The following UBE3C variants were observed in gnomAD, a reference collection of about 807,000 sequenced individuals.
UBE3C encodes the protein ubiquitin-protein ligase E3C.
UBE3C carries 42 observed loss-of-function variants against 129.4 expected under a neutral mutation model. The observed-to-expected ratio is 0.32, with a 90% CI of 0.25 to 0.42. The LOEUF (loss-of-function observed/expected upper bound fraction) is 0.42. Ranked by LOEUF, UBE3C falls within the 10% of genes least tolerant of loss-of-function variation. The pLI is 1.00. For synonymous variants in UBE3C, 510 were observed against 492.4 expected (o/e 1.04, Z -0.47); for missense variants, 1,049 against 1,319.1 (o/e 0.80, Z 3.17).
At chr7:157,215,235 G>A (rs1352453360) in intron 13 of UBE3C, among the ~76,000 whole-genome samples, 1 of 152,036 alleles carries the variant, frequency 6.6e-6, no homozygotes. Flanking sequence ...CATTCAAGGG[G>A]TGTCCACATT....
chr7:157,148,200 A>G (rs2116803364), intron 1 of UBE3C, among the ~76,000 whole-genome samples: 1 of 152,192 alleles, frequency 6.6e-6, no homozygotes, highest in African/African-American at 2.4e-5. Context: ...TCCCGAATTC[A>G]AGTGATTCTC....
chr7:157,139,895 C>G (rs1352060193), intron 1 of UBE3C: 1 of 602,302 alleles, frequency 1.7e-6, no homozygotes, highest in Admixed American at 6.3e-5. Context: ...AGAGGCAGAA[C>G]GTCTCATGAA....
intron 19 of UBE3C, among the ~76,000 whole-genome samples, chr7:157,249,442 A>G (rs1476487649): frequency 6.6e-6 from 1 of 151,976 alleles, no homozygotes; most frequent in African/African-American, 2.4e-5. Context: ...CAGCTTCCCG[A>G]GTAGCTGGGA....
intron 11 of UBE3C, among the ~76,000 whole-genome samples, chr7:157,205,012 C>G (rs187769577): frequency 6.6e-6 from 1 of 152,356 alleles, no homozygotes; most frequent in East Asian, 1.9e-4. Context: ...CACTGATGGT[C>G]AGTAATTCAC....
At chr7:157,263,414 C>A (rs907917862) in intron 22 of UBE3C, among the ~76,000 whole-genome samples, 1 of 152,118 alleles carries the variant, frequency 6.6e-6, no homozygotes, top group Non-Finnish European at 1.5e-5. Context: ...TGGTGGCTCA[C>A]GCACTTTGGG....
intron 18 of UBE3C, among the ~76,000 whole-genome samples, chr7:157,247,826 T>C (rs1239362867): frequency 1.3e-5 from 2 of 152,170 alleles, no homozygotes; most frequent in Non-Finnish European, 2.9e-5. Context: ...GAGTGGCATA[T>C]GCGGTTATGA....
At chr7:157,197,695 C>A (rs1809160893) in intron 10 of UBE3C, 3 of 1,609,202 alleles carry the variant, frequency 1.9e-6, no homozygotes, top group East Asian at 4.5e-5. Flanking sequence ...AATGAAGTCA[C>A]AAGAATAAAG....
At chr7:157,242,340 A>G (rs1187493900) in intron 18 of UBE3C, among the ~76,000 whole-genome samples, 2 of 152,194 alleles carry the variant, frequency 1.3e-5, no homozygotes, top group Non-Finnish European at 2.9e-5. Flanking sequence ...ATCTGTTATC[A>G]TCGAAGGCAT....
chr7:157,189,881 A>G (rs1808908755), intron 10 of UBE3C, among the ~76,000 whole-genome samples: 1 of 151,870 alleles, frequency 6.6e-6, no homozygotes, highest in Non-Finnish European at 1.5e-5. Flanking sequence ...GCTCACTGCA[A>G]CCTCCACCTC....
At chr7:157,251,656 A>G (rs953241322) in intron 19 of UBE3C, among the ~76,000 whole-genome samples, 5 of 152,210 alleles carry the variant, frequency 3.3e-5, no homozygotes, top group Non-Finnish European at 5.9e-5. Context: ...CAGAAAGGAC[A>G]GCTCTTGGTA....
At chr7:157,247,569 G>A (rs1450544413) in intron 18 of UBE3C, among the ~76,000 whole-genome samples, 1 of 152,190 alleles carries the variant, frequency 6.6e-6, no homozygotes, top group Non-Finnish European at 1.5e-5. Flanking sequence ...GTGGATGCCT[G>A]TAATCCCAGC....
rs1208395535 is a variant in UBE3C at position 157,253,964 on chromosome 7, TA to T, written c.2709del (p.Lys903AsnfsTer26). The T allele has an allele frequency of 6.3e-7, 1 of 1,585,204 alleles. No individual in the cohort carries two copies. Among genetic ancestry groups the T allele is most frequent in the Admixed American group, 1.8e-5 (1 of 56,216 alleles). ...NDLGEAQVVE[L>X]KFGGKDIPVT... ...GTTTTGTATTCCCAGGTAGTTGAACTAAAATTCGGTGGGAAAGACATCCCTG... is the reference window on the plus strand; with the variant it reads ...GTTTTGTATTCCCAGGTAGTTGAACTAAATTCGGTGGGAAAGACATCCCTG... On this transcript the variant is annotated frameshift_variant, in exon 20 of 23. Transcript: ENST00000348165. LOFTEE classifies it high-confidence loss of function.
At chr7:157,175,115 C>A in intron 5 of UBE3C, 81 bp downstream of exon 5, 17 of 688,164 alleles carry the variant, frequency 2.5e-5, no homozygotes, top group South Asian at 7.6e-5. Context: ...CTTTTATTTT[C>A]AGAGACAGTG....
At chr7:157,147,077 G>A (rs2116798869) in intron 1 of UBE3C, among the ~76,000 whole-genome samples, 1 of 152,248 alleles carries the variant, frequency 6.6e-6, no homozygotes, top group East Asian at 1.9e-4. Flanking sequence ...AAAAAAACCT[G>A]TGGAATTTTG....
rs766565908 is a variant in UBE3C, at chr7:157,207,893, A to G, written c.1767A>G (p.Gln589=). The stretch of plus-strand genomic sequence containing the variant: ...TTACTACTAGCTCTGAAATGCAACA[A>G]TGCATACAGATGGAACAGAAAAGAT... ...IGVTTSSEMQ[Q]CIQMEQKRWI... Residue 589 remains glutamine, a synonymous_variant, in exon 13 of 23, where the codon CAA becomes CAG. Transcript: ENST00000348165. 7 of 1,609,990 alleles carry G rather than the reference A, an allele frequency of 4.3e-6. No homozygotes were observed. The East Asian group carries it at 1.1e-4, about 26-fold the overall frequency.
At chr7:157,249,758 G>C (rs1231323564) in intron 19 of UBE3C, among the ~76,000 whole-genome samples, 1 of 152,120 alleles carries the variant, frequency 6.6e-6, no homozygotes, top group African/African-American at 2.4e-5. Flanking sequence ...TCCTATGTTT[G>C]GGCTAATAAG....
At chr7:157,184,113 A>C (rs1808745396) in intron 9 of UBE3C, 84 bp downstream of exon 9, 1 of 1,544,118 alleles carries the variant, frequency 6.5e-7, no homozygotes, top group East Asian at 2.3e-5. Context: ...CCGTAGTTTC[A>C]GTTACACAAG....
chr7:157,177,599 C>G (rs939590370), intron 5 of UBE3C, among the ~76,000 whole-genome samples: 30 of 152,368 alleles, frequency 2.0e-4, no homozygotes, highest in Non-Finnish European at 4.0e-4. Context: ...TCCTCCTGCA[C>G]TCGTACACCC....
In UBE3C at chr7:157,184,077, G is replaced by A. The variant is rs145359477; in HGVS notation, c.1143+48G>A. ...GGGGGGCTGCGATGCAGGCAGCCCC[G>A]TCGGATCTTCTAGCTTTCTGTCCAC... is the stretch of plus-strand genomic sequence containing the variant. On this transcript the variant is annotated intron_variant, in intron 9 of 22. Transcript: ENST00000348165. The A allele has an allele frequency of 5.3e-5, 85 of 1,591,374 alleles. No homozygotes were observed. The African/African-American group carries it at 8.2e-4, about 15-fold the overall frequency.
Sources: allele counts gnomAD v4.1 joint callset (sites outside exome capture counted in the v4.1 genomes callset), GRCh38; gene constraint gnomAD v4.1.1; transcripts MANE v1.5; gene names NCBI Gene and HGNC (gene_info 2026-07-23, HGNC 2026-07-21).